ARHGAP10: variants seen among roughly 807,000 people sequenced by gnomAD.
ARHGAP10 encodes the protein Rho GTPase activating protein 10.
A neutral mutation model predicts 108.6 loss-of-function variants in ARHGAP10; 87 were observed. The observed-to-expected ratio is 0.80, with a 90% CI of 0.67 to 0.96. The LOEUF is 0.96. Among genes scored for constraint, ARHGAP10 ranks in the 40% least tolerant of loss-of-function variants. The pLI, the probability that ARHGAP10 is intolerant of heterozygous loss-of-function variation, is 0.00. For synonymous variants in ARHGAP10, 347 were observed against 341.1 expected, an observed-to-expected ratio of 1.02 and a Z score of -0.19; for missense variants, 939 against 954.5, an observed-to-expected ratio of 0.98 and a Z score of 0.21.
At chr4:147,822,979 T>A in intron 3 of ARHGAP10, 22 bp downstream of exon 3, 1 of 1,600,686 alleles carries the variant, frequency 6.2e-7, no homozygotes, top group Non-Finnish European at 8.6e-7. Flanking sequence ...GGGGTGTAAA[T>A]TAATAAGTCA....
chr4:147,936,018 A>G (rs1370559982), intron 13 of ARHGAP10, among the ~76,000 whole-genome samples: 1 of 152,182 alleles, frequency 6.6e-6, no homozygotes. Flanking sequence ...TCATCTCTCC[A>G]TATAATTCAG....
chr4:147,806,160 G>A (rs571194351), intron 1 of ARHGAP10, among the ~76,000 whole-genome samples: 1 of 152,266 alleles, frequency 6.6e-6, no homozygotes, highest in South Asian at 2.1e-4. Flanking sequence ...AATGCTGAGA[G>A]CTCTCCCCAC....
chr4:147,773,498 GT>G, intron 1 of ARHGAP10, among the ~76,000 whole-genome samples: 1 of 152,286 alleles, frequency 6.6e-6, no homozygotes, highest in African/African-American at 2.4e-5. Context: ...ACAGTGTTAT[GT>G]TTTACAGCAT....
intron 19 of ARHGAP10, among the ~76,000 whole-genome samples, chr4:148,037,313 G>A (rs113772784): frequency 9.9e-5 from 15 of 152,278 alleles, no homozygotes; most frequent in African/African-American, 3.6e-4. Context: ...ATGTTATGAT[G>A]TACTTCTAAG....
chr4:147,939,704 A>T, intron 13 of ARHGAP10, 121 bp from the exon 14 acceptor site: 1 of 868,146 alleles, frequency 1.2e-6, no homozygotes, highest in Admixed American at 2.0e-5. Flanking sequence ...TTCAAAGGTT[A>T]TTTTTATAGT....
chr4:147,917,110 A>G (rs1487838757), intron 13 of ARHGAP10: 5 of 152,228 alleles, frequency 3.3e-5, no homozygotes, highest in Non-Finnish European at 5.9e-5. Context: ...ATGCACTTGG[A>G]ACATCAGCAT....
intron 3 of ARHGAP10, among the ~76,000 whole-genome samples, chr4:147,843,522 T>TC (rs1051699670): frequency 3.5e-5 from 5 of 144,630 alleles, no homozygotes; most frequent in African/African-American, 1.4e-4. Flanking sequence ...TCCTTTTTTT[T>TC]CTTTTTCTTT....
chr4:147,983,357 T>C (rs1202589953), intron 18 of ARHGAP10, among the ~76,000 whole-genome samples: 1 of 151,984 alleles, frequency 6.6e-6, no homozygotes, highest in Non-Finnish European at 1.5e-5. Context: ...AGCTAATTTT[T>C]TGTATTTTTA....
In ARHGAP10 at chr4:148,016,269, T is replaced by A. The variant is rs1184529696; in HGVS notation, c.1717-6994T>A. ...CTGTAATCCCAGTGCTTTGAGAGGC[T>A]GGGGTGGGAGGGTCACTTGAGACCA... On this transcript the variant is annotated intron_variant, in intron 18 of 22. Transcript: ENST00000336498. Among the ~76,000 whole-genome samples the A allele has an allele frequency of 3.3e-5, 5 of 152,094 alleles. 1 individual carries two copies. Among genetic ancestry groups the A allele is most frequent in the Admixed American group, 3.3e-4 (5 of 15,260 alleles).
intron 19 of ARHGAP10, among the ~76,000 whole-genome samples, chr4:148,032,410 A>G (rs1394133801): frequency 7.5e-6 from 1 of 132,590 alleles, no homozygotes; most frequent in East Asian, 2.3e-4. Context: ...GGTTTCTCAA[A>G]TCCTTCTAGA....
intron 20 of ARHGAP10, among the ~76,000 whole-genome samples, chr4:148,053,493 C>T (rs1729231966): frequency 6.6e-6 from 1 of 152,174 alleles, no homozygotes; most frequent in Admixed American, 6.5e-5. Flanking sequence ...GGAGGGCCTT[C>T]TCCCCCACAG....
intron 18 of ARHGAP10, among the ~76,000 whole-genome samples, chr4:148,005,402 AG>A (rs1467827274): frequency 6.6e-6 from 1 of 152,188 alleles, no homozygotes; most frequent in Admixed American, 6.5e-5. Flanking sequence ...TGGGCAACAT[AG>A]CGAGACCCCA....
chr4:147,797,070 CGG>C (rs958251934), intron 1 of ARHGAP10, among the ~76,000 whole-genome samples: 4 of 152,066 alleles, frequency 2.6e-5, no homozygotes, highest in African/African-American at 9.7e-5. Flanking sequence ...TTGAAGCATC[CGG>C]CCTGGAGCAT....
chr4:147,955,427 T>A, intron 16 of ARHGAP10, 53 bp downstream of exon 16: 1 of 1,482,030 alleles, frequency 6.7e-7, no homozygotes. Flanking sequence ...GTAGTGAGCA[T>A]AAACGAAAAA....
At chr4:147,970,684 G>C (rs576459068) in intron 18 of ARHGAP10, among the ~76,000 whole-genome samples, 51 of 152,316 alleles carry the variant, frequency 3.3e-4, no homozygotes, top group African/African-American at 1.1e-3. Context: ...AAGGCTCCTA[G>C]TTAATCTGCT....
At chr4:147,765,152 C>T (rs970210234) in intron 1 of ARHGAP10, among the ~76,000 whole-genome samples, 1 of 152,062 alleles carries the variant, frequency 6.6e-6, no homozygotes, top group Non-Finnish European at 1.5e-5. Flanking sequence ...TCTAGGAGTC[C>T]ACGCTATTTT....
intron 1 of ARHGAP10, among the ~76,000 whole-genome samples, chr4:147,811,508 A>G (rs902211900): frequency 2.0e-5 from 3 of 152,122 alleles, no homozygotes; most frequent in African/African-American, 7.2e-5. Flanking sequence ...GGTACCATCC[A>G]TTCTTTTTGT....
intron 11 of ARHGAP10, among the ~76,000 whole-genome samples, chr4:147,909,164 A>G (rs945816852): frequency 6.6e-6 from 1 of 152,192 alleles, no homozygotes; most frequent in African/African-American, 2.4e-5. Context: ...AGAAATACTT[A>G]TATTTAGTAG....
In ARHGAP10 at chr4:147,761,209, G is replaced by T. The variant is rs567460633; in HGVS notation, c.154+28754G>T. Among the ~76,000 whole-genome samples, 27 of 151,944 alleles carry T rather than the reference G, an allele frequency of 1.8e-4. No homozygotes were observed. In the East Asian group the frequency reaches 4.4e-3, roughly 25 times the overall value. ...TTTTTAAATTTTTTGTAGAGACAGG[G>T]TCTTGCTATGTTACCCATTCTGGTC... On this transcript the variant is annotated intron_variant, in intron 1 of 22. Transcript: ENST00000336498.
Sources: gnomAD v4.1 joint callset for allele counts (sites outside exome capture counted in the v4.1 genomes callset) on GRCh38, gnomAD v4.1.1 for gene constraint, MANE v1.5 for transcripts, NCBI Gene and HGNC (gene_info 2026-07-23, HGNC 2026-07-21) for gene names.